Variants in UNC13C observed in about 807,000 individuals in gnomAD.
UNC13C encodes the protein protein unc-13 homolog C.
UNC13C carries 174 observed loss-of-function variants against 245.4 expected under a neutral mutation model. That is an observed-to-expected ratio of 0.71 (90% CI 0.63 to 0.80). The LOEUF (loss-of-function observed/expected upper bound fraction) is 0.80. Among genes scored for constraint, UNC13C ranks in the 30% least tolerant of loss-of-function variants. The pLI, the probability that UNC13C is intolerant of heterozygous loss-of-function variation, is 0.00. For synonymous variants in UNC13C, 992 were observed against 895.1 expected, an observed-to-expected ratio of 1.11 and a Z score of -1.93; for missense variants, 2,829 against 2,602.9, an observed-to-expected ratio of 1.09 and a Z score of -1.89.
chr15:54,138,953 A>ATTTTTTTTTTTTTTTTTTTTTTG (rs2031873963), intron 2 of UNC13C, among the ~76,000 whole-genome samples: 1 of 48,632 alleles, frequency 2.1e-5, no homozygotes, highest in African/African-American at 7.8e-5. Flanking sequence ...ATTTCCCCTA[A>ATTTTTTTTTTTTTTTTTTTTTTG]TTTTTTTTTT....
intron 2 of UNC13C, among the ~76,000 whole-genome samples, chr15:54,105,438 A>G (rs932767142): frequency 8.5e-5 from 13 of 152,098 alleles, no homozygotes; most frequent in African/African-American, 2.7e-4. Flanking sequence ...CCCACATTAG[A>G]CCCTTTCCCA....
intron 19 of UNC13C, among the ~76,000 whole-genome samples, chr15:54,458,807 C>T (rs190411886): frequency 1.4e-5 from 2 of 147,406 alleles, no homozygotes; most frequent in East Asian, 2.1e-4. Flanking sequence ...TTAGGTGAGT[C>T]TCTTAAAGAC....
chr15:54,530,145 A>G (rs997547316), intron 25 of UNC13C, among the ~76,000 whole-genome samples: 3 of 152,184 alleles, frequency 2.0e-5, no homozygotes, highest in South Asian at 4.1e-4. Context: ...TTTCCTTTTT[A>G]ATAGCTTTAT....
intron 4 of UNC13C, among the ~76,000 whole-genome samples, chr15:54,192,083 CT>C (rs1464202311): frequency 1.3e-5 from 2 of 152,042 alleles, no homozygotes; most frequent in African/African-American, 2.4e-5. Context: ...GTTGCCATTG[CT>C]TTTTGTGTTT....
At chr15:54,301,462 C>T (rs752723578) in intron 13 of UNC13C, among the ~76,000 whole-genome samples, 14 of 152,088 alleles carry the variant, frequency 9.2e-5, no homozygotes, top group Non-Finnish European at 1.5e-4. Flanking sequence ...CAACAGGCCC[C>T]GGTGTGTGAT....
chr15:54,310,178 A>T (rs2037832431), intron 13 of UNC13C, among the ~76,000 whole-genome samples: 1 of 151,646 alleles, frequency 6.6e-6, no homozygotes, highest in Admixed American at 6.6e-5. Context: ...TATTGGTTGT[A>T]CTTGTAATCC....
chr15:54,625,117 G>T (rs1183926206), intron 32 of UNC13C, among the ~76,000 whole-genome samples: 1 of 151,966 alleles, frequency 6.6e-6, no homozygotes, highest in Non-Finnish European at 1.5e-5. Context: ...ATACTTACTT[G>T]CCTTGAAAGC....
At chr15:54,494,870 A>G (rs1220760306) in intron 20 of UNC13C, 136 bp downstream of exon 20, 2 of 1,083,050 alleles carry the variant, frequency 1.8e-6, no homozygotes, top group African/African-American at 1.6e-5. Context: ...TGAAGTTAAC[A>G]TTAAAGGATT....
In UNC13C at chr15:54,015,150, A is replaced by T; in HGVS notation, c.2247A>T (p.Leu749=). The T allele has an allele frequency of 6.2e-7, 1 of 1,612,466 alleles. No homozygotes were observed. The highest frequency in any genetic ancestry group is 8.5e-7 in the Non-Finnish European group (1 of 1,179,252). The part of the protein sequence containing the change: ...DSYQGANSNE[L]YQNQNQLSMM... Reference sequence around the variant, plus strand: ...ATCAGGGAGCTAATTCTAATGAGCTATACCAAAATCAAAACCAGTTGTCCA... The same window carrying T: ...ATCAGGGAGCTAATTCTAATGAGCTTTACCAAAATCAAAACCAGTTGTCCA... The change falls in exon 2 of 33, where the codon CTA becomes CTT. Residue 749 remains leucine (L), a synonymous_variant. Coordinates refer to ENST00000260323, the MANE Select transcript of UNC13C (RefSeq NM_001080534.3).
chr15:54,076,602 T>C (rs1217374580), intron 2 of UNC13C, among the ~76,000 whole-genome samples: 3 of 145,350 alleles, frequency 2.1e-5, no homozygotes, highest in African/African-American at 4.9e-5. Flanking sequence ...TATTGGGTAG[T>C]GGAAATAGAA....
chr15:54,111,143 A>C (rs1283281221), intron 2 of UNC13C, among the ~76,000 whole-genome samples: 1 of 152,160 alleles, frequency 6.6e-6, no homozygotes, highest in Admixed American at 6.5e-5. Flanking sequence ...TTCACTTCTG[A>C]CTTTACTCTT....
intron 17 of UNC13C, among the ~76,000 whole-genome samples, chr15:54,368,480 G>A (rs769564357): frequency 2.9e-4 from 44 of 151,854 alleles, no homozygotes; most frequent in South Asian, 6.3e-4. Flanking sequence ...CTATAGAAGT[G>A]CCACAACATG....
chr15:54,366,057 G>A (rs1198824296), intron 17 of UNC13C, among the ~76,000 whole-genome samples: 1 of 152,096 alleles, frequency 6.6e-6, no homozygotes, highest in Non-Finnish European at 1.5e-5. Flanking sequence ...AGCTAGTTGG[G>A]ATATTGCTTG....
intron 4 of UNC13C, among the ~76,000 whole-genome samples, chr15:54,217,095 T>C (rs1428040951): frequency 6.6e-6 from 1 of 152,044 alleles, no homozygotes; most frequent in Non-Finnish European, 1.5e-5. Context: ...GAACAATTAG[T>C]ACTGAGGAGG....
chr15:54,187,592 C>A (rs982006985), intron 4 of UNC13C, among the ~76,000 whole-genome samples: 1 of 152,136 alleles, frequency 6.6e-6, no homozygotes, highest in Non-Finnish European at 1.5e-5. Flanking sequence ...GCATAGCTAA[C>A]TCCTCTTCAC....
At chr15:53,953,348 C>T in the UNC13C span, among the ~76,000 whole-genome samples, 8 of 152,200 alleles carry the variant, frequency 5.3e-5, no homozygotes, top group African/African-American at 1.9e-4. Context: ...TGGGCATCTG[C>T]CTCGTGGTGC....
the UNC13C span, among the ~76,000 whole-genome samples, chr15:53,845,903 GACTT>G: frequency 5.9e-5 from 9 of 152,058 alleles, no homozygotes; most frequent in African/African-American, 1.7e-4. Context: ...AGGATGGTTT[GACTT>G]ACTTCTCTTT....
At chr15:54,455,314 T>C (rs1891457497) in intron 19 of UNC13C, among the ~76,000 whole-genome samples, 1 of 148,908 alleles carries the variant, frequency 6.7e-6, no homozygotes, top group South Asian at 2.2e-4. Flanking sequence ...TGTGCTGCTA[T>C]AAGTATGCAT....
chr15:54,246,370 A>T (rs1426350241), intron 7 of UNC13C, among the ~76,000 whole-genome samples: 4 of 151,322 alleles, frequency 2.6e-5, no homozygotes, highest in South Asian at 4.2e-4. Context: ...AGCAAAAAAA[A>T]TTGCCTTCTT....
Sources: gnomAD v4.1 joint callset for allele counts (sites outside exome capture counted in the v4.1 genomes callset) on GRCh38, gnomAD v4.1.1 for gene constraint, MANE v1.5 for transcripts, NCBI Gene and HGNC (gene_info 2026-07-23, HGNC 2026-07-21) for gene names.